The following NAV3 variants were observed in gnomAD, a reference collection of about 807,000 sequenced individuals.
The protein encoded by NAV3 is neuron navigator 3, also known as pore membrane and/or filament interacting like protein 1.
A neutral mutation model predicts 244.7 loss-of-function variants in NAV3; 87 were observed. That is an observed-to-expected ratio of 0.36 (90% confidence interval 0.30 to 0.42). NAV3 has a LOEUF of 0.42. NAV3 is among the 20% of genes least tolerant of loss of function. The pLI is 1.00. For synonymous variants in NAV3, 1,126 were observed against 1,042.2 expected (o/e 1.08, Z -1.55); for missense variants, 2,663 against 2,893.3 (o/e 0.92, Z 1.83).
chr12:77,596,667 A>G (rs979923594), intron 2 of NAV3, among the ~76,000 whole-genome samples: 8 of 152,180 alleles, frequency 5.3e-5, no homozygotes, highest in Non-Finnish European at 8.8e-5. Context: ...AACAAGAGAG[A>G]AAAACATTTT....
intron 1 of NAV3, among the ~76,000 whole-genome samples, chr12:77,912,649 A>C (rs530977964): frequency 9.3e-5 from 14 of 150,446 alleles, no homozygotes; most frequent in African/African-American, 2.9e-4. Context: ...TCATTTTTTG[A>C]GACAGAGTTT....
chr12:78,158,429 CT>C (rs1957395515), intron 22 of NAV3, among the ~76,000 whole-genome samples: 1 of 152,178 alleles, frequency 6.6e-6, no homozygotes, highest in South Asian at 2.1e-4. Flanking sequence ...TATTTTTGAG[CT>C]TTAATAAAAT....
intron 23 of NAV3, among the ~76,000 whole-genome samples, chr12:78,168,350 T>C (rs1957865927): frequency 6.6e-6 from 1 of 151,836 alleles, no homozygotes; most frequent in Non-Finnish European, 1.5e-5. Context: ...AGGTTTGCAG[T>C]TGACAATAAA....
In NAV3 at chr12:78,118,063, G is replaced by A. The variant is rs200565461; in HGVS notation, c.2806G>A (p.Glu936Lys). ...TTCAGAGAAACGCTCCACCACAGAC[G>A]AGACCTGGGATAGTCCTGAGGAACT... ...TDSEKRSTTDETWDSPEELKK... is the reference protein window; with the variant it reads ...TDSEKRSTTDKTWDSPEELKK... The change falls in exon 14 of 40, where the codon GAG becomes AAG. Residue 936 changes from glutamate to lysine, a missense_variant. By Grantham distance (56) the Glu-to-Lys change is moderately conservative. This residue lies in a region of NAV3 where 1,521 missense variants were observed against 1,497.0 expected (regional missense o/e 1.02). Transcript: ENST00000397909. The A allele has an allele frequency of 1.9e-5, 30 of 1,613,592 alleles. No homozygotes were observed. In the Middle Eastern group the frequency reaches 6.6e-4, roughly 36 times the overall value.
intron 2 of NAV3, among the ~76,000 whole-genome samples, chr12:77,590,388 T>C (rs914796937): frequency 6.6e-6 from 1 of 152,176 alleles, no homozygotes; most frequent in Non-Finnish European, 1.5e-5. Context: ...TTGGAGGCCA[T>C]TACCCTTAGC....
chr12:77,957,885 C>T (rs1286637456), intron 3 of NAV3, among the ~76,000 whole-genome samples: 3 of 152,080 alleles, frequency 2.0e-5, no homozygotes, highest in Admixed American at 6.6e-5. Context: ...AGGCTGGTTT[C>T]GAACTCCTTA....
At chr12:77,602,688 C>G (rs1044571801) in intron 2 of NAV3, among the ~76,000 whole-genome samples, 7 of 151,862 alleles carry the variant, frequency 4.6e-5, no homozygotes, top group Non-Finnish European at 1.0e-4. Flanking sequence ...GTTTTGGACC[C>G]GATTTCACTA....
chr12:77,950,962 AC>A (rs1388638982), intron 3 of NAV3: 1 of 152,172 alleles, frequency 6.6e-6, no homozygotes, highest in Non-Finnish European at 1.5e-5. Flanking sequence ...AACTGTAAAA[AC>A]CCTAGAAGAA....
At chr12:77,605,971 T>C (rs548207504) in intron 2 of NAV3, among the ~76,000 whole-genome samples, 6 of 152,322 alleles carry the variant, frequency 3.9e-5, no homozygotes, top group African/African-American at 1.4e-4. Flanking sequence ...ATTTTGCATA[T>C]ACAGGAATAT....
rs34739021 is a variant in NAV3 at position 77,968,647 on chromosome 12, G to C, written c.616G>C (p.Ala206Pro). 2 of 1,613,952 alleles carry C rather than the reference G, an allele frequency of 1.2e-6. No individual in the cohort carries two copies. The highest frequency in any genetic ancestry group is 1.7e-5 in the Admixed American group (1 of 59,988). Reference sequence around the variant, plus strand: ...GGAACTTCAGCAGCGAGTTACTCACGCTTCCCCTCCATCGGAAGCCAGCCA... The same window carrying C: ...GGAACTTCAGCAGCGAGTTACTCACCCTTCCCCTCCATCGGAAGCCAGCCA... The part of the protein sequence containing the change: ...LVELQQRVTH[A>P]SPPSEASQAK... Residue 206 changes from alanine (A) to proline (P), a missense_variant, in exon 5 of 40, where the codon GCT becomes CCT. Transcript: ENST00000397909.
intron 2 of NAV3, among the ~76,000 whole-genome samples, chr12:77,732,418 G>A (rs1877163563): frequency 6.6e-6 from 1 of 151,946 alleles, no homozygotes; most frequent in Admixed American, 6.6e-5. Context: ...GCTTCCGTGG[G>A]TGGGTGATTC....
chr12:77,667,762 C>G (rs913561512), intron 2 of NAV3, among the ~76,000 whole-genome samples: 6 of 152,130 alleles, frequency 3.9e-5, no homozygotes, highest in Non-Finnish European at 8.8e-5. Flanking sequence ...CCAGGCACCC[C>G]TAGGGCAAAT....
intron 2 of NAV3, among the ~76,000 whole-genome samples, chr12:77,677,323 T>A (rs1431145749): frequency 6.6e-6 from 1 of 152,166 alleles, no homozygotes; most frequent in South Asian, 2.1e-4. Flanking sequence ...TTTAAAAAGA[T>A]AACTTAAATA....
At chr12:78,117,878 T>C in intron 13 of NAV3, 149 bp from the exon 14 acceptor site, 1 of 766,746 alleles carries the variant, frequency 1.3e-6, no homozygotes, top group Admixed American at 3.5e-5. Context: ...GTGGGAATTA[T>C]GTGGCTAAAA....
intron 22 of NAV3, among the ~76,000 whole-genome samples, chr12:78,153,592 T>G (rs530451163): frequency 1.3e-5 from 2 of 152,230 alleles, no homozygotes; most frequent in East Asian, 3.9e-4. Context: ...TGCTTTTGTT[T>G]GTCTTTTAAC....
chr12:77,945,815 G>A lies in NAV3; in HGVS notation c.414+4682G>A, dbSNP rs1408676680. ...CAAGCTGGAGTAAAATGGTGTGATC[G>A]TGGCTCACTGCAACCTCCACCTCCC... On this transcript the variant is annotated intron_variant, in intron 3 of 39. Transcript: ENST00000397909. Among the ~76,000 whole-genome samples, 7 of 151,800 alleles carry A rather than the reference G, an allele frequency of 4.6e-5. No individual in the cohort carries two copies. The East Asian group carries it at 7.8e-4, about 17-fold the overall frequency.
chr12:77,794,236 A>T (rs4310661), intron 2 of NAV3, among the ~76,000 whole-genome samples: 85,929 of 151,950 alleles, frequency 0.57, 24,394 homozygotes, highest in South Asian at 0.7. Flanking sequence ...TAAGGTATAG[A>T]TATGTTATAG....
chr12:77,864,009 AC>A (rs1466529291), intron 1 of NAV3, among the ~76,000 whole-genome samples: 4 of 151,860 alleles, frequency 2.6e-5, no homozygotes, highest in African/African-American at 9.7e-5. Context: ...TAAAAATACA[AC>A]TTTTATGGCA....
intron 2 of NAV3, among the ~76,000 whole-genome samples, chr12:77,587,119 A>G (rs1205518455): frequency 6.6e-6 from 1 of 152,198 alleles, no homozygotes; most frequent in East Asian, 1.9e-4. Context: ...TCAGTTTTGC[A>G]TCATCTATGT....
Sources: gnomAD v4.1 joint callset for allele counts (sites outside exome capture counted in the v4.1 genomes callset) on GRCh38, gnomAD v4.1.1 for gene constraint, gnomAD v4.1.1 regional missense constraint, MANE v1.5 for transcripts, NCBI Gene and HGNC (gene_info 2026-07-23, HGNC 2026-07-21) for gene names.